The following PPP1R9A variants were observed in gnomAD, a reference collection of about 807,000 sequenced individuals.
PPP1R9A encodes protein phosphatase 1 regulatory subunit 9A.
In PPP1R9A, 59 loss-of-function variants were observed where a neutral mutation model predicts 141.9. The ratio of observed to expected loss-of-function variants is 0.42; its 90% CI spans 0.34 to 0.52. The LOEUF (loss-of-function observed/expected upper bound fraction) is 0.52, where lower values mean the gene tolerates loss of function less well. Ranked by LOEUF, PPP1R9A falls within the 20% of genes least tolerant of loss-of-function variation. The pLI is 0.10. For missense variants in PPP1R9A, 1,444 were observed against 1,611.9 expected, an observed-to-expected ratio of 0.90 and a Z score of 1.78; for synonymous variants, 500 against 569.7, an observed-to-expected ratio of 0.88 and a Z score of 1.74.
In PPP1R9A at chr7:95,292,397, T is replaced by A. The variant is rs1806492111; in HGVS notation, c.*2094T>A. ...GGGAAAAAAGTGACCTGGATCACAC[T>A]GGAAGTTTCACTGTATTCAAGAGTA... On this transcript the variant is annotated 3_prime_UTR_variant, in exon 20 of 20. Coordinates refer to ENST00000433360, the MANE Select transcript of PPP1R9A (RefSeq NM_001166160.2). 1 of 152,636 alleles carries A rather than the reference T, an allele frequency of 6.6e-6. No homozygotes were observed. The allele number at this position is 152,636 out of a possible 1,614,324, so 9.5% of individuals were successfully genotyped here. A position where few individuals can be genotyped will look rare whatever the true frequency, so the allele number is the denominator to read the frequency against.
chr7:95,289,764 A>G (rs1806057572), intron 19 of PPP1R9A, among the ~76,000 whole-genome samples: 1 of 152,190 alleles, frequency 6.6e-6, no homozygotes, highest in Non-Finnish European at 1.5e-5. Context: ...GAGTTTAGCA[A>G]TACCTTTACC....
intron 4 of PPP1R9A, among the ~76,000 whole-genome samples, chr7:95,137,364 T>G (rs1825840820): frequency 7.1e-6 from 1 of 139,890 alleles, no homozygotes; most frequent in African/African-American, 2.8e-5. Flanking sequence ...GATAGTTTGC[T>G]GAGAATGATG....
chr7:95,120,879 T>C (rs938136649), intron 4 of PPP1R9A, 47 bp downstream of exon 4: 3 of 1,553,728 alleles, frequency 1.9e-6, no homozygotes, highest in Admixed American at 1.9e-5. Flanking sequence ...TAGAGAACTT[T>C]CCTGGAAGTT....
intron 2 of PPP1R9A, among the ~76,000 whole-genome samples, chr7:95,047,169 C>T (rs753255224): frequency 3.3e-5 from 5 of 152,096 alleles, no homozygotes; most frequent in Non-Finnish European, 5.9e-5. Flanking sequence ...TGGTTCCAGC[C>T]CCAAGATTAA....
In PPP1R9A at chr7:95,081,603, CTG is replaced by C. The variant is rs142432260; in HGVS notation, c.1396-29655_1396-29654del. ...AATTAAACAGAGAGAATAAAAATGA[CTG>C]GGGAGGAACTCCCTGAAAGGTGCAT... On this transcript the variant is annotated intron_variant, in intron 2 of 19. Coordinates refer to ENST00000433360, the MANE Select transcript of PPP1R9A (RefSeq NM_001166160.2). Among the ~76,000 whole-genome samples, 1,140 of 152,220 alleles carry C rather than the reference CTG, an allele frequency of 7.5e-3. 11 individuals are homozygous for C. Among genetic ancestry groups the C allele is most frequent in the African/African-American group, 0.026 (1,083 of 41,528 alleles).
At chr7:95,280,641 C>A (rs545189303) in intron 16 of PPP1R9A, among the ~76,000 whole-genome samples, 1 of 152,236 alleles carries the variant, frequency 6.6e-6, no homozygotes, top group Admixed American at 6.5e-5. Context: ...TTATGATTCT[C>A]TTTTTTCCAA....
chr7:95,236,666 G>T (rs1796715003), intron 8 of PPP1R9A, among the ~76,000 whole-genome samples: 2 of 141,116 alleles, frequency 1.4e-5, no homozygotes, highest in East Asian at 2.1e-4. Context: ...TAGCTTTTTA[G>T]TTCCTAATTG....
intron 2 of PPP1R9A, among the ~76,000 whole-genome samples, chr7:95,072,823 T>TA (rs1563197182): frequency 1.1e-5 from 1 of 91,438 alleles, no homozygotes; most frequent in African/African-American, 5.0e-5. Flanking sequence ...ATAATAATTA[T>TA]TATATATATA....
At chr7:95,212,104 T>A (rs559600313) in intron 7 of PPP1R9A, among the ~76,000 whole-genome samples, 1 of 152,302 alleles carries the variant, frequency 6.6e-6, no homozygotes, top group South Asian at 2.1e-4. Flanking sequence ...TTTTTATATA[T>A]TTAAATGTAT....
At chr7:94,964,879 A>G (rs1043066751) in intron 2 of PPP1R9A, among the ~76,000 whole-genome samples, 2 of 152,190 alleles carry the variant, frequency 1.3e-5, no homozygotes, top group East Asian at 3.9e-4. Flanking sequence ...TTCTAGTTCT[A>G]GATCCTTGAG....
intron 2 of PPP1R9A, among the ~76,000 whole-genome samples, chr7:95,065,593 A>T (rs982487522): frequency 2.6e-5 from 4 of 152,110 alleles, no homozygotes; most frequent in African/African-American, 9.7e-5. Context: ...GTCTGTTGTG[A>T]CTGGAGTCAT....
rs747601107 is a variant in PPP1R9A at position 95,198,429 on chromosome 7, G to T, written c.1835G>T (p.Arg612Leu). 7 of 1,613,002 alleles carry T rather than the reference G, an allele frequency of 4.3e-6. No homozygotes were observed. The highest frequency in any genetic ancestry group is 1.3e-5 in the African/African-American group (1 of 74,872). ...AGCCAGACACTGGAACAGGAGAGGC[G>T]CCAGAGAGAGCTGCTGGAACAGCAC... ...LISQTLEQER[R>L]QRELLEQHYA... Residue 612 changes from arginine to leucine, a missense_variant, in exon 6 of 20, where the codon CGC becomes CTC. This residue lies in a region of PPP1R9A where 488 missense variants were observed against 542.0 expected (regional missense o/e 0.90). Coordinates refer to ENST00000433360, the MANE Select transcript of PPP1R9A (RefSeq NM_001166160.2).
chr7:95,185,303 A>G (rs990900688), intron 5 of PPP1R9A, among the ~76,000 whole-genome samples: 4 of 151,648 alleles, frequency 2.6e-5, no homozygotes, highest in Non-Finnish European at 5.9e-5. Flanking sequence ...GCATTTTTTC[A>G]TACATTTGTT....
intron 4 of PPP1R9A, among the ~76,000 whole-genome samples, chr7:95,138,720 A>T (rs1041296084): frequency 6.6e-6 from 1 of 152,252 alleles, no homozygotes; most frequent in Non-Finnish European, 1.5e-5. Flanking sequence ...GCCACTTCAA[A>T]GTGGAAAACT....
At chr7:94,914,262 G>T (rs971983854) in intron 2 of PPP1R9A, among the ~76,000 whole-genome samples, 1 of 152,008 alleles carries the variant, frequency 6.6e-6, no homozygotes, top group Non-Finnish European at 1.5e-5. Context: ...TTTTGTTATA[G>T]ATCTTATTTA....
Position 95,290,341 on chromosome 7 carries a change from GA to G in PPP1R9A, c.*40del, listed in dbSNP as rs1806183957. ...TACAGATGATGGAGATGCTCCAAGAGAAGTCCCCACCTCTTCCTGCCCTGCT... is the reference window on the plus strand; with the variant it reads ...TACAGATGATGGAGATGCTCCAAGAGAGTCCCCACCTCTTCCTGCCCTGCT... On this transcript the variant is annotated 3_prime_UTR_variant, in exon 20 of 20. Transcript: ENST00000433360. 1.3e-6 allele frequency: 2 copies of G among 1,567,616 alleles called. No homozygotes were observed. The highest frequency in any genetic ancestry group is 4.7e-5 in the East Asian group (2 of 42,952).
At chr7:95,160,733 G>T (rs1430237659) in intron 4 of PPP1R9A, among the ~76,000 whole-genome samples, 1 of 151,984 alleles carries the variant, frequency 6.6e-6, no homozygotes, top group African/African-American at 2.4e-5. Context: ...ATGTCCATGA[G>T]TTCCCAATGT....
At chr7:95,138,309 AG>A (rs1437855330) in intron 4 of PPP1R9A, among the ~76,000 whole-genome samples, 3 of 152,226 alleles carry the variant, frequency 2.0e-5, no homozygotes, top group Non-Finnish European at 4.4e-5. Context: ...TAGAACAATT[AG>A]ATACCCATAT....
chr7:95,006,936 C>T (rs534950934), intron 2 of PPP1R9A, among the ~76,000 whole-genome samples: 14 of 151,940 alleles, frequency 9.2e-5, no homozygotes, highest in East Asian at 1.9e-4. Flanking sequence ...GATCTTGGCT[C>T]ATCGCAACCT....
Sources: allele counts gnomAD v4.1 joint callset (sites outside exome capture counted in the v4.1 genomes callset), GRCh38; gene constraint gnomAD v4.1.1; regional missense constraint gnomAD v4.1.1; transcripts MANE v1.5; gene names NCBI Gene and HGNC (gene_info 2026-07-23, HGNC 2026-07-21).